The following SAV1 variants were observed in gnomAD, a reference collection of about 807,000 sequenced individuals.
SAV1 encodes the protein salvador family WW domain containing protein 1.
A neutral mutation model predicts 47.3 loss-of-function variants in SAV1; 23 were observed. The ratio of observed to expected loss-of-function variants is 0.49; its 90% CI spans 0.35 to 0.69. The LOEUF is 0.69. SAV1 is among the 30% of genes least tolerant of loss of function. The pLI, the probability that SAV1 is intolerant of heterozygous loss-of-function variation, is 0.01. For synonymous variants in SAV1, 155 were observed against 159.2 expected (o/e 0.97, Z 0.20); for missense variants, 448 against 457.4 (o/e 0.98, Z 0.19).
rs533738153 is a variant in SAV1, at chr14:50,644,756, G to C, written c.794C>G (p.Pro265Arg). Residue 265 changes from proline to arginine, a missense_variant, in exon 3 of 5, where the codon CCC (proline) becomes CGC (arginine). Transcript: ENST00000324679. ...HTNKKAQYRH[P>R]CAPSVPRYDQ... is the part of the protein sequence containing the mutation. Reference sequence around the variant, plus strand: ...GTTGATACTGTACCTAGGAGCACAGGGATGCCTGTATTGGGCCTTCTTATT... The same window carrying C: ...GTTGATACTGTACCTAGGAGCACAGCGATGCCTGTATTGGGCCTTCTTATT... 1 of 1,613,834 alleles carries C rather than the reference G, an allele frequency of 6.2e-7. No individual in the cohort carries two copies. The highest frequency in any genetic ancestry group is 1.1e-5 in the South Asian group (1 of 91,064).
At chr14:50,643,710 T>C (rs1052111959) in intron 3 of SAV1, among the ~76,000 whole-genome samples, 2 of 152,192 alleles carry the variant, frequency 1.3e-5, no homozygotes, top group South Asian at 2.1e-4. Flanking sequence ...ACCTCAGTAG[T>C]TGAATAAACA....
At chr14:50,650,125 T>TGTA (rs2039755120) in intron 2 of SAV1, among the ~76,000 whole-genome samples, 1 of 152,230 alleles carries the variant, frequency 6.6e-6, no homozygotes, top group African/African-American at 2.4e-5. Flanking sequence ...AAGAAGGATA[T>TGTA]GTAAGTGTAT....
chr14:50,668,055 G>GCGC lies in SAV1; in HGVS notation c.-91_-89dup, dbSNP rs1309255767. 4 of 971,274 alleles carry GCGC rather than the reference G, an allele frequency of 4.1e-6. No individual in the cohort carries two copies. Among genetic ancestry groups the GCGC allele is most frequent in the Non-Finnish European group, 5.5e-6 (4 of 727,020 alleles). The allele number at this position is 971,274 out of a possible 1,614,324, so 60.2% of individuals were successfully genotyped here. A position where few individuals can be genotyped will look rare whatever the true frequency, so the allele number is the denominator to read the frequency against. On this transcript the variant is annotated 5_prime_UTR_variant, in exon 1 of 5. Coordinates refer to ENST00000324679, the MANE Select transcript of SAV1 (RefSeq NM_021818.4). ...GCCGTCTCCGCCGCCACCTCCGCCG[G>GCGC]CGCCGCCGCCTCCTTCCCTCCCGAG...
rs1566750370 is a variant in SAV1 at position 50,667,929 on chromosome 14, C to T, written c.39G>A (p.Lys13=). Residue 13 remains lysine, a synonymous_variant, in exon 1 of 5, where the codon AAG becomes AAA. Transcript: ENST00000324679. ...SRKKTKNEVS[K]PAEVQGKYVK... ...CGTACTTCCCCTGCACCTCGGCCGG[C>T]TTGGACACTTCGTTTTTGGTTTTCT... The T allele has an allele frequency of 6.2e-7, 1 of 1,612,692 alleles. No homozygotes were observed. Among genetic ancestry groups the T allele is most frequent in the Non-Finnish European group, 8.5e-7 (1 of 1,179,462 alleles).
At chr14:50,637,663 A>ATTT (rs771403561) in intron 4 of SAV1, 2 of 128,768 alleles carry the variant, frequency 1.6e-5, no homozygotes, top group Non-Finnish European at 3.1e-5. Context: ...CAATTTTGTC[A>ATTT]GTTTTTTTTT....
rs765119716 is a variant in SAV1, at chr14:50,665,416, C to G, written c.298G>C (p.Ala100Pro). Residue 100 changes from alanine to proline, a missense_variant, in exon 2 of 5, where the codon GCC (alanine) becomes CCC (proline). Physicochemically the swap from Ala to Pro is conservative, Grantham distance 27. Coordinates refer to ENST00000324679, the MANE Select transcript of SAV1 (RefSeq NM_021818.4). ...SNRLSAPSYL[A>P]RSLADVPREY... is the part of the protein sequence containing the mutation. ...CTAGGGACATCTGCTAGACTTCTGG[C>G]AAGATAAGAAGGTGCAGATAATCTG... 7 of 1,612,448 alleles carry G rather than the reference C, an allele frequency of 4.3e-6. No homozygotes were observed. The African/African-American group carries it at 8.0e-5, about 18-fold the overall frequency.
Position 50,635,189 on chromosome 14 carries a change from A to AT in SAV1, c.1145dup (p.Asn382LysfsTer5). 6.2e-7 allele frequency: 1 copy of AT among 1,610,498 alleles called. No homozygotes were observed. Among genetic ancestry groups the AT allele is most frequent in the Non-Finnish European group, 8.5e-7 (1 of 1,179,128 alleles). Reference sequence around the variant, plus strand: ...AAATTTTTAAAAAATCAGCTCAAAAATTTTTTCCATGTTGTTGGGCATACC... The same window carrying AT: ...AAATTTTTAAAAAATCAGCTCAAAAATTTTTTTCCATGTTGTTGGGCATACC... On this transcript the variant is annotated frameshift_variant, in exon 5 of 5. Coordinates refer to ENST00000324679, the MANE Select transcript of SAV1 (RefSeq NM_021818.4). LOFTEE classifies it high-confidence loss of function.
Position 50,646,286 on chromosome 14 carries a change from CTT to C in SAV1, c.536-1274_536-1273del, listed in dbSNP as rs1382594380. 1.3e-4 allele frequency among the ~76,000 whole-genome samples: 20 copies of C among 152,340 alleles called. 1 individual carries two copies. The highest frequency in any genetic ancestry group is 1.2e-3 in the Admixed American group (18 of 15,300). On this transcript the variant is annotated intron_variant, in intron 2 of 4. Coordinates refer to ENST00000324679, the MANE Select transcript of SAV1 (RefSeq NM_021818.4). The stretch of plus-strand genomic sequence containing the variant: ...GTGAATGTAATCTCTCTCCCTCTCT[CTT>C]GAAAGATCTTGTACCATATTCATCA...
Position 50,634,876 on chromosome 14 carries a change from G to T in SAV1, c.*307C>A. 4.4e-6 allele frequency: 1 copy of T among 227,216 alleles called. No homozygotes were observed. Among genetic ancestry groups the T allele is most frequent in the Non-Finnish European group, 8.5e-6 (1 of 117,090 alleles). 14.1% of individuals were successfully genotyped at this position (227,216 alleles called of 1,614,324 possible). On this transcript the variant is annotated 3_prime_UTR_variant, in exon 5 of 5. Transcript: ENST00000324679. ...TACTACTGCTGTAAGAAGTTAACAA[G>T]TAATAATTTCCTATTTAACATCTGT...
At chr14:50,644,082 G>C (rs2039701342) in intron 3 of SAV1, among the ~76,000 whole-genome samples, 2 of 152,172 alleles carry the variant, frequency 1.3e-5, no homozygotes, top group South Asian at 4.1e-4. Context: ...TTGAAATCCA[G>C]TGTGTATTTA....
In SAV1 at chr14:50,666,188, C is replaced by A. The variant is rs28416489; in HGVS notation, c.95-569G>T. Among the ~76,000 whole-genome samples, 1,333 of 152,170 alleles carry A rather than the reference C, an allele frequency of 8.8e-3. 14 individuals carry two copies. The highest frequency in any genetic ancestry group is 0.03 in the African/African-American group (1,248 of 41,518). On this transcript the variant is annotated intron_variant, in intron 1 of 4. Transcript: ENST00000324679. Reference sequence around the variant, plus strand: ...CTAGCACTAGCACAGTAATCAAAAGCTAGAAAGCCAAAAATTTATGTATGA... The same window carrying A: ...CTAGCACTAGCACAGTAATCAAAAGATAGAAAGCCAAAAATTTATGTATGA...
intron 2 of SAV1, among the ~76,000 whole-genome samples, chr14:50,652,568 C>T (rs555692404): frequency 6.6e-6 from 1 of 152,274 alleles, no homozygotes; most frequent in Non-Finnish European, 1.5e-5. Flanking sequence ...TGAAAGGGCT[C>T]CTGCCACCAA....
At chr14:50,662,195 G>C (rs993805233) in intron 2 of SAV1, among the ~76,000 whole-genome samples, 1 of 152,090 alleles carries the variant, frequency 6.6e-6, no homozygotes, top group Admixed American at 6.5e-5. Context: ...TTGAGACGGA[G>C]TCTCACTCTG....
chr14:50,642,073 C>A (rs192882671), intron 3 of SAV1, among the ~76,000 whole-genome samples: 2 of 152,130 alleles, frequency 1.3e-5, no homozygotes, highest in East Asian at 1.9e-4. Flanking sequence ...ACTGATGGAA[C>A]TGGAGGCCAT....
At position 50,668,186 on chromosome 14, in the gene SAV1, C is replaced by A. The variant is rs181975095; in HGVS notation, c.-219G>T. On this transcript the variant is annotated 5_prime_UTR_variant, in exon 1 of 5. Transcript: ENST00000324679. ...GCCGCCGCTCAGTCGCTGGTCAGTTCCTTCCCGGAAGTCGGCCCGCTCTGC... is the reference window on the plus strand; with the variant it reads ...GCCGCCGCTCAGTCGCTGGTCAGTTACTTCCCGGAAGTCGGCCCGCTCTGC... 23 of 275,814 alleles carry A rather than the reference C, an allele frequency of 8.3e-5. No homozygotes were observed. The highest frequency in any genetic ancestry group is 1.5e-4 in the Non-Finnish European group (22 of 149,382). The allele number at this position is 275,814 out of a possible 1,614,324, so 17.1% of individuals were successfully genotyped here.
intron 4 of SAV1, chr14:50,637,664 G>GTTTTTTTTT (rs373647297): frequency 3.8e-4 from 22 of 58,276 alleles, no homozygotes; most frequent in African/African-American, 9.1e-4. Flanking sequence ...AATTTTGTCA[G>GTTTTTTTTT]TTTTTTTTTT....
intron 4 of SAV1, chr14:50,637,600 A>G (rs193255469): frequency 1.3e-5 from 2 of 151,818 alleles, no homozygotes; most frequent in Non-Finnish European, 2.9e-5. Context: ...AGACACGAAT[A>G]TCATTCTGTA....
Position 50,640,757 on chromosome 14 carries a change from G to C in SAV1, c.943C>G (p.Pro315Ala), listed in dbSNP as rs780708549. 1.2e-6 allele frequency: 2 copies of C among 1,612,170 alleles called. No homozygotes were observed. Among genetic ancestry groups the C allele is most frequent in the African/African-American group, 2.7e-5 (2 of 74,818 alleles). Reference protein sequence around the residue: ...PDWLQVYARAPVKYDHILKWE... With the variant: ...PDWLQVYARAAVKYDHILKWE... ...TGTTGTAAATGTACTTACTTCACAGGGGCTCGTGCGTAAACCTGAAGCCAG... is the reference window on the plus strand; with the variant it reads ...TGTTGTAAATGTACTTACTTCACAGCGGCTCGTGCGTAAACCTGAAGCCAG... The change falls in exon 4 of 5, where the codon CCT (proline) becomes GCT (alanine). Residue 315 changes from proline to alanine, a missense_variant. By Grantham distance (27) the Pro-to-Ala change is conservative. Transcript: ENST00000324679.
intron 2 of SAV1, among the ~76,000 whole-genome samples, chr14:50,646,461 G>A (rs1463456460): frequency 2.6e-5 from 4 of 152,124 alleles, no homozygotes; most frequent in Non-Finnish European, 4.4e-5. Flanking sequence ...CAAGGTGAGC[G>A]GATCACCTGA....
Sources: gnomAD v4.1 joint callset for allele counts (sites outside exome capture counted in the v4.1 genomes callset) on GRCh38, gnomAD v4.1.1 for gene constraint, MANE v1.5 for transcripts, NCBI Gene and HGNC (gene_info 2026-07-23, HGNC 2026-07-21) for gene names.